FOXO3: variants seen among roughly 807,000 people sequenced by gnomAD.
The protein encoded by FOXO3 is forkhead box O3.
A neutral mutation model predicts 41.9 loss-of-function variants in FOXO3; 4 were observed. The ratio of observed to expected loss-of-function variants is 0.10; its 90% CI spans 0.05 to 0.22. The LOEUF (loss-of-function observed/expected upper bound fraction) is 0.22. Ranked by LOEUF, FOXO3 falls within the 10% of genes least tolerant of loss-of-function variation. The probability of loss-of-function intolerance (pLI) is 1.00; values close to 1 mark genes in which losing one functional copy is unlikely to be tolerated. For missense variants in FOXO3, 534 were observed against 906.8 expected (o/e 0.59, Z 5.28); for synonymous variants, 318 against 389.3 (o/e 0.82, Z 2.16).
chr6:108,656,522 A>G (rs942310960), intron 1 of FOXO3: 2 of 985,162 alleles, frequency 2.0e-6, no homozygotes, highest in African/African-American at 3.5e-5. Flanking sequence ...CTTAAAGTAT[A>G]TGATGCTCGG....
chr6:108,568,929 G>C (rs962694869), intron 1 of FOXO3, among the ~76,000 whole-genome samples: 5 of 152,144 alleles, frequency 3.3e-5, no homozygotes, highest in African/African-American at 1.2e-4. Flanking sequence ...TGACCTTGTT[G>C]CATTAAGAGA....
chr6:108,657,087 C>T (rs1240679105), intron 1 of FOXO3, among the ~76,000 whole-genome samples: 1 of 152,176 alleles, frequency 6.6e-6, no homozygotes, highest in Non-Finnish European at 1.5e-5. Context: ...ATTAACTACA[C>T]CTAACGGGTT....
intron 1 of FOXO3, among the ~76,000 whole-genome samples, chr6:108,617,551 G>A (rs941961671): frequency 5.9e-5 from 9 of 151,932 alleles, no homozygotes; most frequent in Admixed American, 5.9e-4. Flanking sequence ...TTATAAAATT[G>A]TCCTTGGTTT....
At chr6:108,604,437 G>A (rs1400804498) in intron 1 of FOXO3, among the ~76,000 whole-genome samples, 2 of 151,744 alleles carry the variant, frequency 1.3e-5, no homozygotes. Context: ...TTTTCTTTTC[G>A]AATTTAAAGG....
At chr6:108,661,629 C>T (rs1232822752) in intron 1 of FOXO3, among the ~76,000 whole-genome samples, 1 of 152,180 alleles carries the variant, frequency 6.6e-6, no homozygotes, top group Admixed American at 6.5e-5. Flanking sequence ...ATGTGTCACC[C>T]TTACATCATC....
chr6:108,574,928 T>C (rs1776220781), intron 1 of FOXO3, among the ~76,000 whole-genome samples: 1 of 152,162 alleles, frequency 6.6e-6, no homozygotes, highest in South Asian at 2.1e-4. Flanking sequence ...AACTCTGTGA[T>C]AAACGTGAGC....
chr6:108,592,637 C>CT (rs1776758228), intron 1 of FOXO3, among the ~76,000 whole-genome samples: 1 of 152,152 alleles, frequency 6.6e-6, no homozygotes, highest in African/African-American at 2.4e-5. Flanking sequence ...GTGGTGGAAG[C>CT]TTGAGTGTGT....
chr6:108,621,546 T>TTTTTG (rs1333754729), intron 1 of FOXO3, among the ~76,000 whole-genome samples: 2 of 152,118 alleles, frequency 1.3e-5, no homozygotes, highest in South Asian at 2.1e-4. Flanking sequence ...TTAGTGTTTT[T>TTTTTG]TTTTGTTTTG....
At chr6:108,570,796 A>G (rs2128356927) in intron 1 of FOXO3, among the ~76,000 whole-genome samples, 1 of 152,198 alleles carries the variant, frequency 6.6e-6, no homozygotes, top group East Asian at 1.9e-4. Context: ...TTTTTAAAGA[A>G]CTCTGATATA....
intron 1 of FOXO3, among the ~76,000 whole-genome samples, chr6:108,636,904 G>A (rs142404986): frequency 9.5e-4 from 145 of 152,246 alleles, no homozygotes; most frequent in African/African-American, 3.3e-3. Flanking sequence ...ATCCTCCCAG[G>A]TGGTCCCACT....
At chr6:108,612,092 C>T (rs1258809567) in intron 1 of FOXO3, among the ~76,000 whole-genome samples, 1 of 152,054 alleles carries the variant, frequency 6.6e-6, no homozygotes, top group African/African-American at 2.4e-5. Context: ...TTTTCAAAAT[C>T]ATTTGTACTG....
rs778496604 is a variant in FOXO3, at chr6:108,602,657, C to CA, written c.621+40839dup. Among the ~76,000 whole-genome samples, 1,286 of 136,278 alleles carry CA rather than the reference C, an allele frequency of 9.4e-3. 4 individuals carry two copies. The highest frequency in any genetic ancestry group is 0.019 in the Middle Eastern group (5 of 262). The allele number at this position is 136,278 out of a possible 152,430, so 89.4% of individuals were successfully genotyped here. ...ATAAGCAATAGCATTAAAACCAAAC[C>CA]AAAAAAAAAAACCTTTTATTATTAA... On this transcript the variant is annotated intron_variant, in intron 1 of 2. Coordinates refer to ENST00000406360, the MANE Select transcript of FOXO3 (RefSeq NM_001455.4).
intron 1 of FOXO3, among the ~76,000 whole-genome samples, chr6:108,564,395 G>A (rs1775898711): frequency 6.6e-6 from 1 of 152,194 alleles, no homozygotes; most frequent in Non-Finnish European, 1.5e-5. Context: ...GTTGATTCTT[G>A]TCATGATTAG....
intron 1 of FOXO3, among the ~76,000 whole-genome samples, chr6:108,658,842 TGAAA>T (rs1778764763): frequency 1.3e-5 from 2 of 152,130 alleles, no homozygotes; most frequent in Admixed American, 6.6e-5. Flanking sequence ...TTTCCTCTTC[TGAAA>T]GACTTTTTTT....
chr6:108,650,269 G>A (rs1291893620), intron 1 of FOXO3, among the ~76,000 whole-genome samples: 1 of 152,150 alleles, frequency 6.6e-6, no homozygotes, highest in Non-Finnish European at 1.5e-5. Context: ...TGGTTGAGGA[G>A]TGGGCTCACC....
intron 1 of FOXO3, among the ~76,000 whole-genome samples, chr6:108,626,617 C>CT (rs3841314): frequency 0.92 from 137,578 of 149,172 alleles, 63,599 homozygotes; most frequent in Non-Finnish European, 0.96. Flanking sequence ...GATTATATAG[C>CT]TTTTTTTTTT....
At chr6:108,644,041 C>G (rs1266904676) in intron 1 of FOXO3, among the ~76,000 whole-genome samples, 1 of 152,180 alleles carries the variant, frequency 6.6e-6, no homozygotes, top group Non-Finnish European at 1.5e-5. Context: ...TTATGTCCCT[C>G]ACTGGAAAAG....
At chr6:108,573,491 G>A (rs772518205) in intron 1 of FOXO3, among the ~76,000 whole-genome samples, 9 of 152,088 alleles carry the variant, frequency 5.9e-5, no homozygotes, top group Admixed American at 1.3e-4. Flanking sequence ...ACTTGGCTCC[G>A]TTATTTAGGC....
At chr6:108,598,875 G>T (rs1776966273) in intron 1 of FOXO3, among the ~76,000 whole-genome samples, 1 of 152,138 alleles carries the variant, frequency 6.6e-6, no homozygotes, top group Admixed American at 6.5e-5. Context: ...CCAGGGCAGG[G>T]GTGTCTGTAT....
Sources: gnomAD v4.1 joint callset for allele counts (sites outside exome capture counted in the v4.1 genomes callset) on GRCh38, gnomAD v4.1.1 for gene constraint, MANE v1.5 for transcripts, NCBI Gene and HGNC (gene_info 2026-07-23, HGNC 2026-07-21) for gene names.